Variants in BRD4 observed in about 807,000 individuals in gnomAD.
BRD4 encodes bromodomain-containing protein 4.
In BRD4, 16 loss-of-function variants were observed where a neutral mutation model predicts 142.1. That is an observed-to-expected ratio of 0.11 (90% CI 0.08 to 0.17). BRD4 has a LOEUF of 0.17. Among genes scored for constraint, BRD4 ranks in the 10% least tolerant of loss-of-function variants. The pLI is 1.00. For synonymous variants in BRD4, 833 were observed against 707.5 expected (o/e 1.18, Z -2.82); for missense variants, 1,424 against 1,810.9 (o/e 0.79, Z 3.88).
chr19:15,317,101 A>AT (rs1444833540), intron 1 of BRD4, among the ~76,000 whole-genome samples: 1 of 152,220 alleles, frequency 6.6e-6, no homozygotes, highest in Admixed American at 6.5e-5. Context: ...GACAAGAGCT[A>AT]GTGGGCTCTG....
intron 14 of BRD4, among the ~76,000 whole-genome samples, chr19:15,242,685 T>A (rs1174549632): frequency 1.3e-5 from 2 of 152,080 alleles, no homozygotes; most frequent in African/African-American, 4.8e-5. Context: ...CAGAGGGGCC[T>A]TATTCTGAGT....
chr19:15,299,115 G>C lies in BRD4; in HGVS notation c.-34-25982C>G, dbSNP rs541758499. Among the ~76,000 whole-genome samples, 3 of 152,292 alleles carry C rather than the reference G, an allele frequency of 2.0e-5. No homozygotes were observed. The South Asian group carries it at 6.2e-4, about 32-fold the overall frequency. On this transcript the variant is annotated intron_variant, in intron 1 of 19. Coordinates refer to ENST00000679869, the MANE Select transcript of BRD4 (RefSeq NM_001379291.1). Reference sequence around the variant, plus strand: ...GTGGCTAGGTATCCCCCATTTTGTAGAAATAGGCAGTGTCTTCCATCTGGG... The same window carrying C: ...GTGGCTAGGTATCCCCCATTTTGTACAAATAGGCAGTGTCTTCCATCTGGG...
intron 1 of BRD4, chr19:15,275,606 G>C (rs895394867): frequency 6.6e-6 from 1 of 152,230 alleles, no homozygotes; most frequent in South Asian, 2.1e-4. Flanking sequence ...AACTGCTGGA[G>C]GTTGTCTGTT....
At chr19:15,298,437 A>C (rs1174726451) in intron 1 of BRD4, among the ~76,000 whole-genome samples, 1 of 151,754 alleles carries the variant, frequency 6.6e-6, no homozygotes, top group Non-Finnish European at 1.5e-5. Flanking sequence ...GGAGATCAAG[A>C]CCAGCCTGCC....
intron 7 of BRD4, among the ~76,000 whole-genome samples, chr19:15,260,366 C>T (rs1258746116): frequency 6.6e-6 from 1 of 152,182 alleles, no homozygotes; most frequent in African/African-American, 2.4e-5. Context: ...AAGCTTTGTC[C>T]CTCCCCTTCC....
Position 15,239,339 on chromosome 19 carries a change from T to C in BRD4, c.3576+53A>G. On this transcript the variant is annotated intron_variant, in intron 17 of 19. Transcript: ENST00000679869. This position sits in a 1 kb window ranked among gnomAD's most constrained non-coding sequence, Gnocchi z 7.4. The stretch of plus-strand genomic sequence containing the variant: ...GGCATAGCTGGGGGTGTGCCCAGCA[T>C]GGCACCTTCCAGGGCCAAGGGGCAA... 1.9e-6 allele frequency: 3 copies of C among 1,614,104 alleles called. No homozygotes were observed. The highest frequency in any genetic ancestry group is 1.6e-4 in the Middle Eastern group (1 of 6,062).
At chr19:15,240,094 G>A (rs2047227188) in intron 14 of BRD4, 72 bp from the exon 15 acceptor site, 83 of 1,525,562 alleles carry the variant, frequency 5.4e-5, no homozygotes, top group Non-Finnish European at 7.2e-5. Context: ...TTGTCGGGAA[G>A]GAAAACGTGG....
At chr19:15,246,976 T>A (rs892163151) in intron 11 of BRD4, 1 of 179,650 alleles carries the variant, frequency 5.6e-6, no homozygotes, top group Non-Finnish European at 1.2e-5. Context: ...AGACAGGAAG[T>A]GCACAGCTTC....
At position 15,264,513 on chromosome 19, in the gene BRD4, T is replaced by C; in HGVS notation, c.1103A>G (p.Lys368Arg). The C allele has an allele frequency of 6.2e-7, 1 of 1,614,230 alleles. No individual in the cohort carries two copies. The highest frequency in any genetic ancestry group is 8.5e-7 in the Non-Finnish European group (1 of 1,180,050). The change falls in exon 6 of 20, where the codon AAG (lysine) becomes AGG (arginine). Residue 368 changes from lysine (K) to arginine (R), a missense_variant. Coordinates refer to ENST00000679869, the MANE Select transcript of BRD4 (RefSeq NM_001379291.1). Reference protein sequence around the residue: ...SGILKEMFAKKHAAYAWPFYK... With the variant: ...SGILKEMFAKRHAAYAWPFYK... Reference sequence around the variant, plus strand: ...GAAGGGCCAGGCGTAGGCGGCGTGCTTCTTGGCAAACATCTCCTTGAGGAT... The same window carrying C: ...GAAGGGCCAGGCGTAGGCGGCGTGCCTCTTGGCAAACATCTCCTTGAGGAT...
intron 4 of BRD4, among the ~76,000 whole-genome samples, chr19:15,266,717 G>T (rs777163299): frequency 6.6e-6 from 1 of 152,194 alleles, no homozygotes; most frequent in African/African-American, 2.4e-5. Context: ...CAGCATGGGA[G>T]GCCAGGTGAA....
At chr19:15,259,857 T>TGAG (rs1235573664) in intron 7 of BRD4, among the ~76,000 whole-genome samples, 1 of 152,208 alleles carries the variant, frequency 6.6e-6, no homozygotes, top group African/African-American at 2.4e-5. Flanking sequence ...GGAAGTGTGC[T>TGAG]GAGACCTAAG....
At chr19:15,252,567 G>C (rs763002394) in intron 11 of BRD4, among the ~76,000 whole-genome samples, 2 of 152,252 alleles carry the variant, frequency 1.3e-5, no homozygotes, top group Non-Finnish European at 2.9e-5. Context: ...GGGGGCCCTA[G>C]CTTCGGGTGG....
intron 3 of BRD4, among the ~76,000 whole-genome samples, chr19:15,268,541 T>C (rs1424664260): frequency 6.6e-6 from 1 of 152,142 alleles, no homozygotes; most frequent in Non-Finnish European, 1.5e-5. Flanking sequence ...TAGCAGGCTC[T>C]TTCCTAACAA....
At chr19:15,296,178 C>T (rs542701152) in intron 1 of BRD4, among the ~76,000 whole-genome samples, 3 of 152,198 alleles carry the variant, frequency 2.0e-5, no homozygotes, top group Admixed American at 6.5e-5. Context: ...CGCTTGAACC[C>T]GGGAGAGAGA....
intron 7 of BRD4, 64 bp downstream of exon 7, chr19:15,263,356 A>G: frequency 2.6e-6 from 4 of 1,568,162 alleles, no homozygotes; most frequent in Non-Finnish European, 3.5e-6. Context: ...GGCCCACAGA[A>G]GTCTGCTCCC....
intron 1 of BRD4, among the ~76,000 whole-genome samples, chr19:15,323,196 A>AAT (rs1312721483): frequency 1.3e-5 from 2 of 150,824 alleles, no homozygotes; most frequent in Non-Finnish European, 3.0e-5. Context: ...AAAAAAAAAA[A>AAT]AAAAAAAAGA....
chr19:15,329,930 T>A (rs2048142341), intron 1 of BRD4, among the ~76,000 whole-genome samples: 1 of 152,218 alleles, frequency 6.6e-6, no homozygotes, highest in South Asian at 2.1e-4. Flanking sequence ...TAAATTCCTT[T>A]AAACAATTCA....
Position 15,243,455 on chromosome 19 carries a change from G to T in BRD4, c.2614C>A (p.Arg872=). The T allele has an allele frequency of 6.3e-7, 1 of 1,577,858 alleles. No individual in the cohort carries two copies. The highest frequency in any genetic ancestry group is 8.6e-7 in the Non-Finnish European group (1 of 1,164,280). The part of the protein sequence containing the change: ...LHNALPQQPS[R]PSNRAAALPP... Reference sequence around the variant, plus strand: ...AGGGCAGCGGCTCGGTTGCTGGGCCGTGATGGCTGCTGGGGTAGTGCGTTG... The same window carrying T: ...AGGGCAGCGGCTCGGTTGCTGGGCCTTGATGGCTGCTGGGGTAGTGCGTTG... Residue 872 remains arginine (R), a synonymous_variant, in exon 14 of 20, where the codon CGG becomes AGG. Transcript: ENST00000679869.
At chr19:15,241,708 C>A (rs1244161912) in intron 14 of BRD4, among the ~76,000 whole-genome samples, 1 of 152,010 alleles carries the variant, frequency 6.6e-6, no homozygotes, top group Non-Finnish European at 1.5e-5. Flanking sequence ...AGAACAGGCA[C>A]AGCCGCACAG....
Sources: gnomAD v4.1 joint callset for allele counts (sites outside exome capture counted in the v4.1 genomes callset) on GRCh38, gnomAD v4.1.1 for gene constraint, Gnocchi (gnomAD v3.1) non-coding constraint, MANE v1.5 for transcripts, NCBI Gene and HGNC (gene_info 2026-07-23, HGNC 2026-07-21) for gene names.